The following GAS7 variants were observed in gnomAD, a reference collection of about 807,000 sequenced individuals.
GAS7 encodes the protein growth arrest specific 7.
A neutral mutation model predicts 71.1 loss-of-function variants in GAS7; 28 were observed. The ratio of observed to expected loss-of-function variants is 0.39; its 90% CI spans 0.29 to 0.54. The LOEUF (loss-of-function observed/expected upper bound fraction) is 0.54, where lower values mean the gene tolerates loss of function less well. GAS7 is among the 20% of genes least tolerant of loss of function. GAS7 has a pLI of 0.62. For missense variants in GAS7, 436 were observed against 627.8 expected (o/e 0.69, Z 3.27); for synonymous variants, 258 against 245.8 (o/e 1.05, Z -0.46).
Position 9,918,091 on chromosome 17 carries a change from C to T in GAS7, c.1227G>A (p.Glu409=), listed in dbSNP as rs374485478. The T allele has an allele frequency of 6.2e-7, 1 of 1,612,962 alleles. No individual in the cohort carries two copies. Among genetic ancestry groups the T allele is most frequent in the African/African-American group, 1.3e-5 (1 of 74,936 alleles). Reference sequence around the variant, plus strand: ...TCTCTACCCTCTCCACCTCCAGCCGCTCTAGCTCCTGCCGAGAAAGCAAAG... The same window carrying T: ...TCTCTACCCTCTCCACCTCCAGCCGTTCTAGCTCCTGCCGAGAAAGCAAAG... ...EEMVTTTLEL[E]RLEVERVEMI... is the part of the protein sequence containing the mutation. The change falls in exon 13 of 14, where the codon GAG becomes GAA. Residue 409 remains glutamate (E), a synonymous_variant. Transcript: ENST00000432992.
intron 5 of GAS7, among the ~76,000 whole-genome samples, chr17:9,952,098 C>A (rs145758183): frequency 1.2e-4 from 18 of 152,302 alleles, no homozygotes; most frequent in Non-Finnish European, 8.8e-5. Flanking sequence ...CCCTTCTTGT[C>A]CCAGAGTCGA....
intron 9 of GAS7, among the ~76,000 whole-genome samples, chr17:9,933,209 G>GAATA (rs979010622): frequency 6.6e-6 from 1 of 151,988 alleles, no homozygotes; most frequent in Non-Finnish European, 1.5e-5. Flanking sequence ...ATAAATAAAT[G>GAATA]AATAAATAAA....
intron 2 of GAS7, among the ~76,000 whole-genome samples, chr17:10,009,307 C>T (rs2071664714): frequency 8.9e-6 from 1 of 112,614 alleles, no homozygotes; most frequent in South Asian, 2.6e-4. Context: ...GGCGACAGAG[C>T]GAGACTCCGT....
At chr17:10,116,287 C>A (rs532000276) in intron 1 of GAS7, among the ~76,000 whole-genome samples, 9 of 150,208 alleles carry the variant, frequency 6.0e-5, no homozygotes, top group African/African-American at 2.0e-4. Context: ...GCACTCCAGC[C>A]TAGGGGACAG....
chr17:9,967,684 G>T (rs1486603437), intron 4 of GAS7, among the ~76,000 whole-genome samples: 1 of 151,870 alleles, frequency 6.6e-6, no homozygotes, highest in African/African-American at 2.4e-5. Flanking sequence ...AAGCATGCTT[G>T]CTAATGGCTG....
At chr17:10,130,995 G>C (rs1343326207) in intron 1 of GAS7, among the ~76,000 whole-genome samples, 1 of 152,178 alleles carries the variant, frequency 6.6e-6, no homozygotes, top group African/African-American at 2.4e-5. Context: ...GGGGTGAATT[G>C]AATGGTATGC....
chr17:10,133,122 A>ATATATATATATTTTT (rs1392845338), intron 1 of GAS7, among the ~76,000 whole-genome samples: 1 of 118,886 alleles, frequency 8.4e-6, no homozygotes, highest in African/African-American at 3.0e-5. Context: ...ATATTTTTAT[A>ATATATATATATTTTT]TTTTTTTTTT....
At chr17:9,973,704 C>T (rs987536661) in intron 3 of GAS7, among the ~76,000 whole-genome samples, 3 of 152,134 alleles carry the variant, frequency 2.0e-5, no homozygotes, top group African/African-American at 7.2e-5. Flanking sequence ...CCGCAAAAGG[C>T]ACTGCACCCA....
At chr17:10,182,542 T>C (rs12450543) in intron 1 of GAS7, among the ~76,000 whole-genome samples, 68,976 of 152,118 alleles carry the variant, frequency 0.45, 15,912 homozygotes, top group African/African-American at 0.53. Flanking sequence ...CAAGAACCCA[T>C]GTGGCCTCCC....
chr17:10,144,469 G>A (rs551133049), intron 1 of GAS7, among the ~76,000 whole-genome samples: 2 of 152,230 alleles, frequency 1.3e-5, no homozygotes, highest in East Asian at 1.9e-4. Flanking sequence ...GGCCAATCTC[G>A]GCAGATCCCC....
At chr17:10,111,914 C>T (rs960001897) in intron 1 of GAS7, among the ~76,000 whole-genome samples, 40 of 152,294 alleles carry the variant, frequency 2.6e-4, no homozygotes, top group African/African-American at 8.7e-4. Flanking sequence ...TATTTTCATG[C>T]TAAAAGCATA....
At chr17:10,067,462 C>T (rs1463082894) in intron 1 of GAS7, among the ~76,000 whole-genome samples, 3 of 152,088 alleles carry the variant, frequency 2.0e-5, no homozygotes, top group Non-Finnish European at 4.4e-5. Flanking sequence ...CCAGGCTGGT[C>T]TCGAACTGCT....
rs566578724 is a variant in GAS7, at chr17:10,172,170, G to C, written c.183+26038C>G. On this transcript the variant is annotated intron_variant, in intron 1 of 13. Transcript: ENST00000432992. ...CATCAATCTGGCTACTTCCTGGACT[G>C]CAAAAGACCTCAAAGCTATGTGTAA... Among the ~76,000 whole-genome samples the C allele has an allele frequency of 1.5e-3, 221 of 152,284 alleles. 7 individuals are homozygous for C. The South Asian group carries it at 0.043, about 30-fold the overall frequency.
At chr17:10,056,168 G>C (rs1205859967) in intron 1 of GAS7, among the ~76,000 whole-genome samples, 1 of 151,972 alleles carries the variant, frequency 6.6e-6, no homozygotes, top group Non-Finnish European at 1.5e-5. Context: ...AGACCAGTCT[G>C]GGCAACATAG....
intron 1 of GAS7, among the ~76,000 whole-genome samples, chr17:10,062,434 G>A (rs560074942): frequency 3.2e-4 from 49 of 152,314 alleles, no homozygotes; most frequent in African/African-American, 1.1e-3. Flanking sequence ...GCAGTGAGCC[G>A]AGATTGCGTC....
At chr17:10,186,813 G>A (rs1480558240) in intron 1 of GAS7, among the ~76,000 whole-genome samples, 2 of 152,066 alleles carry the variant, frequency 1.3e-5, no homozygotes, top group East Asian at 3.9e-4. Context: ...ACTTGAACCC[G>A]GGAGGCAGAG....
At chr17:9,982,572 T>A (rs2070449386) in intron 2 of GAS7, among the ~76,000 whole-genome samples, 1 of 151,792 alleles carries the variant, frequency 6.6e-6, no homozygotes, top group South Asian at 2.1e-4. Flanking sequence ...AGGTCAGGAG[T>A]TCGAGACCGG....
intron 2 of GAS7, among the ~76,000 whole-genome samples, chr17:10,014,380 GC>G (rs1597689623): frequency 6.6e-6 from 1 of 152,060 alleles, no homozygotes. Flanking sequence ...TCGCTCTGCC[GC>G]ACAAGCAGCC....
At chr17:10,056,211 T>C (rs536815323) in intron 1 of GAS7, among the ~76,000 whole-genome samples, 1 of 152,198 alleles carries the variant, frequency 6.6e-6, no homozygotes, top group South Asian at 2.1e-4. Flanking sequence ...AATGTAAACA[T>C]TAGCCAGGCA....
Sources: allele counts gnomAD v4.1 joint callset (sites outside exome capture counted in the v4.1 genomes callset), GRCh38; gene constraint gnomAD v4.1.1; transcripts MANE v1.5; gene names NCBI Gene and HGNC (gene_info 2026-07-23, HGNC 2026-07-21).